TMEM260: variants seen among roughly 807,000 people sequenced by gnomAD.
TMEM260 encodes the protein transmembrane protein 260, also known as protein O-mannosyl-transferase TMEM260.
In TMEM260, 82 loss-of-function variants were observed where a neutral mutation model predicts 88.9. The ratio of observed to expected loss-of-function variants is 0.92; its 90% CI spans 0.77 to 1.11. The LOEUF is 1.11. TMEM260 is among the 50% of genes least tolerant of loss of function. The pLI is 0.00. For missense variants in TMEM260, 902 were observed against 853.4 expected, an observed-to-expected ratio of 1.06 and a Z score of -0.71; for synonymous variants, 314 against 309.3, an observed-to-expected ratio of 1.02 and a Z score of -0.16.
At chr14:56,617,405 A>G in intron 9 of TMEM260, 108 bp downstream of exon 9, 2 of 642,854 alleles carry the variant, frequency 3.1e-6, no homozygotes, top group Admixed American at 6.8e-5. Flanking sequence ...AATAGTTAAA[A>G]TTTTATATAC....
chr14:56,599,629 T>C (rs1029930885), intron 3 of TMEM260, among the ~76,000 whole-genome samples: 1 of 152,236 alleles, frequency 6.6e-6, no homozygotes, highest in African/African-American at 2.4e-5. Flanking sequence ...AGTCTTCTTA[T>C]ACATGTAGCT....
At chr14:56,626,045 A>C (rs12895783) in intron 12 of TMEM260, among the ~76,000 whole-genome samples, 55,331 of 152,050 alleles carry the variant, frequency 0.36, 10,219 homozygotes, top group South Asian at 0.4. Flanking sequence ...AATTATTTGT[A>C]GTTAGGTCAA....
Position 56,648,361 on chromosome 14 carries a change from A to T in TMEM260, c.*864A>T, listed in dbSNP as rs914080217. On this transcript the variant is annotated 3_prime_UTR_variant, in exon 16 of 16. Coordinates refer to ENST00000261556, the MANE Select transcript of TMEM260 (RefSeq NM_017799.4). Reference sequence around the variant, plus strand: ...AGAGAACATAGTAAGAAATGCAAATAATAGTTCTTTATTTTATTATGACAG... The same window carrying T: ...AGAGAACATAGTAAGAAATGCAAATTATAGTTCTTTATTTTATTATGACAG... 2.0e-5 allele frequency: 3 copies of T among 152,616 alleles called. No homozygotes were observed. The highest frequency in any genetic ancestry group is 4.4e-5 in the Non-Finnish European group (3 of 68,048). 9.5% of individuals were successfully genotyped at this position (152,616 alleles called of 1,614,324 possible). A position where few individuals can be genotyped will look rare whatever the true frequency, so the allele number is the denominator to read the frequency against.
intron 15 of TMEM260, among the ~76,000 whole-genome samples, chr14:56,643,526 A>G (rs953440859): frequency 1.1e-4 from 16 of 152,226 alleles, no homozygotes; most frequent in African/African-American, 3.1e-4. Context: ...AATAAGAGCT[A>G]TCTATGACAA....
At chr14:56,606,784 A>G (rs1886933989) in intron 5 of TMEM260, among the ~76,000 whole-genome samples, 1 of 152,146 alleles carries the variant, frequency 6.6e-6, no homozygotes, top group Non-Finnish European at 1.5e-5. Flanking sequence ...AGTCCCAGCT[A>G]CTCAGGAGGC....
chr14:56,649,525 T>C (rs923673887), downstream of TMEM260: 6 of 152,230 alleles, frequency 3.9e-5, no homozygotes, highest in African/African-American at 1.4e-4. Context: ...AGCATTGTCT[T>C]TATTGGTTCA....
At chr14:56,641,359 T>G (rs1362810006) in intron 15 of TMEM260, among the ~76,000 whole-genome samples, 1 of 152,158 alleles carries the variant, frequency 6.6e-6, no homozygotes, top group South Asian at 2.1e-4. Context: ...GGGGCCAATA[T>G]TCAGTATTCT....
the TMEM260 span, among the ~76,000 whole-genome samples, chr14:56,660,664 C>T: frequency 1.3e-5 from 2 of 152,162 alleles, no homozygotes; most frequent in Non-Finnish European, 2.9e-5. Context: ...TGCTAATTCT[C>T]ATAGCAAAAG....
At chr14:56,660,820 T>C in the TMEM260 span, among the ~76,000 whole-genome samples, 5 of 152,212 alleles carry the variant, frequency 3.3e-5, no homozygotes, top group African/African-American at 7.2e-5. Flanking sequence ...CCTGTTACAA[T>C]TGGCACAGAT....
chr14:56,636,549 C>T lies in TMEM260; in HGVS notation c.1820C>T (p.Ala607Val), dbSNP rs1376174836. 1 of 1,613,992 alleles carries T rather than the reference C, an allele frequency of 6.2e-7. No individual in the cohort carries two copies. The highest frequency in any genetic ancestry group is 8.5e-7 in the Non-Finnish European group (1 of 1,179,982). ...PFFIFNLAETAHMPSKVKAQL... is the reference protein window; with the variant it reads ...PFFIFNLAETVHMPSKVKAQL... ...TTCATCTTTAACCTGGCAGAAACTG[C>T]TCACATGCCTTCAAAAGTGAAAGCT... Residue 607 changes from alanine to valine, a missense_variant, in exon 15 of 16, where the codon GCT (alanine) becomes GTT (valine). Transcript: ENST00000261556.
At chr14:56,596,435 CACAT>C (rs1886232998) in intron 3 of TMEM260, among the ~76,000 whole-genome samples, 1 of 144,648 alleles carries the variant, frequency 6.9e-6, no homozygotes, top group African/African-American at 2.6e-5. Context: ...TACATACACA[CACAT>C]ATACATATAT....
chr14:56,632,470 AG>A (rs1439610889), intron 12 of TMEM260, among the ~76,000 whole-genome samples: 1 of 152,158 alleles, frequency 6.6e-6, no homozygotes, highest in Non-Finnish European at 1.5e-5. Flanking sequence ...CACCTGGGAA[AG>A]GAGAGAAAGA....
chr14:56,620,709 A>G (rs1887863560), intron 10 of TMEM260, among the ~76,000 whole-genome samples: 1 of 152,174 alleles, frequency 6.6e-6, no homozygotes, highest in African/African-American at 2.4e-5. Flanking sequence ...AGAGGTGTTC[A>G]TTTGTTTTGT....
At chr14:56,608,333 G>A (rs896164248) in intron 5 of TMEM260, among the ~76,000 whole-genome samples, 1 of 152,104 alleles carries the variant, frequency 6.6e-6, no homozygotes, top group African/African-American at 2.4e-5. Flanking sequence ...ACTAAAGTAA[G>A]CAGTATTTGA....
chr14:56,586,104 A>G (rs768241833), intron 3 of TMEM260, among the ~76,000 whole-genome samples, 192 bp downstream of exon 3: 43 of 152,184 alleles, frequency 2.8e-4, no homozygotes, highest in Non-Finnish European at 6.3e-4. Context: ...TTTGTTTCCT[A>G]CAGTGGAGTG....
intron 3 of TMEM260, among the ~76,000 whole-genome samples, chr14:56,596,421 TATATAC>T (rs1410593932): frequency 7.3e-4 from 100 of 136,604 alleles, no homozygotes; most frequent in African/African-American, 2.4e-3. Context: ...TATATATATA[TATATAC>T]ATACACACAC....
At chr14:56,618,939 A>C (rs7148317) in intron 10 of TMEM260, among the ~76,000 whole-genome samples, 176 bp downstream of exon 10, 1 of 152,074 alleles carries the variant, frequency 6.6e-6, no homozygotes, top group African/African-American at 2.4e-5. Context: ...AAGTTAAAGC[A>C]TGGGCGATGA....
intron 8 of TMEM260, 105 bp from the exon 9 acceptor site, chr14:56,617,077 TA>T: frequency 3.2e-6 from 2 of 616,874 alleles, no homozygotes; most frequent in Non-Finnish European, 4.9e-6. Context: ...TGCTCCTAGT[TA>T]AAAATGGAAA....
chr14:56,613,910 A>AAT (rs1465604052), intron 7 of TMEM260: 8 of 144,408 alleles, frequency 5.5e-5, no homozygotes, highest in East Asian at 2.2e-4. Context: ...AAAAAAAAAA[A>AAT]TTTTTTTTTT....
Sources: gnomAD v4.1 joint callset for allele counts (sites outside exome capture counted in the v4.1 genomes callset) on GRCh38, gnomAD v4.1.1 for gene constraint, MANE v1.5 for transcripts, NCBI Gene and HGNC (gene_info 2026-07-23, HGNC 2026-07-21) for gene names.